CLCN7: variants seen among roughly 807,000 people sequenced by gnomAD.
CLCN7 encodes Cl-/H+ antiporter 7, also known as H(+)/Cl(-) exchange transporter 7.
CLCN7 carries 60 observed loss-of-function variants against 102.1 expected under a neutral mutation model. The ratio of observed to expected loss-of-function variants is 0.59; its 90% confidence interval spans 0.48 to 0.73. CLCN7 has a LOEUF of 0.73. Among genes scored for constraint, CLCN7 ranks in the 30% least tolerant of loss-of-function variants. CLCN7 has a pLI of 0.00. For synonymous variants in CLCN7, 560 were observed against 490.5 expected, an observed-to-expected ratio of 1.14 and a Z score of -1.87; for missense variants, 962 against 1,125.7, an observed-to-expected ratio of 0.85 and a Z score of 2.08.
chr16:1,452,005 T>A, intron 15 of CLCN7: 1 of 415,766 alleles, frequency 2.4e-6, no homozygotes, highest in South Asian at 2.1e-5. Flanking sequence ...GCTGAGACGC[T>A]GTCCATCCCT....
At position 1,461,583 on chromosome 16, in the gene CLCN7, G is replaced by A. The variant is rs757169172; in HGVS notation, c.285+20C>T. On this transcript the variant is annotated intron_variant, in intron 3 of 24. Transcript: ENST00000382745. ...GGCAGAGGCCGGGTCTCAGGGTCAGGGGGACAGAAGGACGCCCACCTCATA... is the reference window on the plus strand; with the variant it reads ...GGCAGAGGCCGGGTCTCAGGGTCAGAGGGACAGAAGGACGCCCACCTCATA... The A allele has an allele frequency of 6.2e-7, 1 of 1,613,544 alleles. No homozygotes were observed. The highest frequency in any genetic ancestry group is 1.1e-5 in the South Asian group (1 of 91,012).
At position 1,460,851 on chromosome 16, in the gene CLCN7, T is replaced by A. The variant is rs753054772; in HGVS notation, c.449A>T (p.Asn150Ile). ...VACFIDIVVE[N>I]LAGLKYRVIK... ...GACCCTGTACTTGAGGCCAGCCAGGTTTTCCACCACGATGTCAATGAAGCA... is the reference window on the plus strand; with the variant it reads ...GACCCTGTACTTGAGGCCAGCCAGGATTTCCACCACGATGTCAATGAAGCA... Residue 150 changes from asparagine to isoleucine, a missense_variant, in exon 5 of 25, where the codon AAC (asparagine) becomes ATC (isoleucine). This residue lies in a region of CLCN7 where 799 missense variants were observed against 988.0 expected (regional missense o/e 0.81). Transcript: ENST00000382745. 6.2e-7 allele frequency: 1 copy of A among 1,613,856 alleles called. No individual in the cohort carries two copies. Among genetic ancestry groups the A allele is most frequent in the East Asian group, 2.2e-5 (1 of 44,878 alleles).
chr16:1,446,826 C>A (rs2038653508), intron 24 of CLCN7, 109 bp from the exon 25 acceptor site: 2 of 1,173,484 alleles, frequency 1.7e-6, no homozygotes, highest in Non-Finnish European at 2.5e-6. Context: ...GCCCTGGGGG[C>A]TTCAGCACAG....
At chr16:1,464,232 C>T (rs1441731697) in intron 2 of CLCN7, among the ~76,000 whole-genome samples, 1 of 152,122 alleles carries the variant, frequency 6.6e-6, no homozygotes, top group African/African-American at 2.4e-5. Context: ...GACAACAAAC[C>T]CAGTTTAAAA....
At chr16:1,460,085 C>G (rs921467295) in intron 6 of CLCN7, among the ~76,000 whole-genome samples, 3 of 151,988 alleles carry the variant, frequency 2.0e-5, no homozygotes, top group African/African-American at 7.3e-5. Flanking sequence ...TCTTCCCAGC[C>G]CAGACACAGA....
At chr16:1,454,571 A>G in intron 12 of CLCN7, 106 bp from the exon 13 acceptor site, 2 of 1,111,162 alleles carry the variant, frequency 1.8e-6, no homozygotes, top group African/African-American at 1.5e-5. Context: ...CCCCACAGAG[A>G]GCCTTCCCGC....
chr16:1,462,665 C>CAAAAAAAAAAAA (rs67969666), intron 2 of CLCN7, among the ~76,000 whole-genome samples: 4 of 36,180 alleles, frequency 1.1e-4, no homozygotes, highest in African/African-American at 3.1e-4. Context: ...AAAAAAAAGC[C>CAAAAAAAAAAAA]AAAAAAAAAA....
intron 5 of CLCN7, 94 bp downstream of exon 5, chr16:1,460,722 G>A (rs2038921722): frequency 1.3e-6 from 2 of 1,587,408 alleles, no homozygotes; most frequent in Admixed American, 1.7e-5. Flanking sequence ...GCCTCCACCT[G>A]CACTGGAACA....
intron 20 of CLCN7, 87 bp downstream of exon 20, chr16:1,448,594 T>C: frequency 1.3e-6 from 2 of 1,599,834 alleles, no homozygotes; most frequent in Non-Finnish European, 8.5e-7. Flanking sequence ...CGGGGCTGCC[T>C]GGAGCCCGCA....
intron 7 of CLCN7, among the ~76,000 whole-genome samples, chr16:1,458,267 C>G (rs1596221266): frequency 6.6e-6 from 1 of 152,256 alleles, no homozygotes; most frequent in African/African-American, 2.4e-5. Flanking sequence ...CTCCCTGCCC[C>G]AGGGCAGAAC....
chr16:1,460,612 C>G (rs1368667299), intron 5 of CLCN7, 85 bp from the exon 6 acceptor site: 21 of 1,306,520 alleles, frequency 1.6e-5, no homozygotes, highest in Non-Finnish European at 2.3e-5. Flanking sequence ...ACCAGCCTGG[C>G]AGATGCCACC....
At chr16:1,474,167 G>A (rs1327163025) in intron 1 of CLCN7, 1 of 455,996 alleles carries the variant, frequency 2.2e-6, no homozygotes, top group East Asian at 6.9e-5. Context: ...ACACTGCTCA[G>A]ACGCACGCTG....
chr16:1,456,835 T>A (rs953033534), intron 9 of CLCN7, among the ~76,000 whole-genome samples: 9 of 139,878 alleles, frequency 6.4e-5, no homozygotes, highest in Non-Finnish European at 1.4e-4. Flanking sequence ...AGAGACTCCA[T>A]CTCAAAAAAA....
chr16:1,459,854 G>A (rs1196729694), intron 6 of CLCN7, among the ~76,000 whole-genome samples: 1 of 125,248 alleles, frequency 8.0e-6, no homozygotes, highest in Non-Finnish European at 1.7e-5. Flanking sequence ...CACACACGTC[G>A]GGGCCCCAGG....
intron 16 of CLCN7, among the ~76,000 whole-genome samples, chr16:1,450,985 G>C (rs1298730827): frequency 6.6e-6 from 1 of 152,256 alleles, no homozygotes; most frequent in Non-Finnish European, 1.5e-5. Context: ...GTGCACCGTG[G>C]TGCAGCTCGC....
intron 2 of CLCN7, among the ~76,000 whole-genome samples, chr16:1,464,633 G>A (rs1239228004): frequency 6.6e-6 from 1 of 152,246 alleles, no homozygotes; most frequent in Admixed American, 6.5e-5. Context: ...AGCCTCTGAC[G>A]TGGCCCAGGG....
chr16:1,462,643 A>AC (rs1418756198), intron 2 of CLCN7, among the ~76,000 whole-genome samples: 7 of 137,346 alleles, frequency 5.1e-5, no homozygotes, highest in African/African-American at 2.0e-4. Flanking sequence ...ACACAGTGAG[A>AC]CCCCAACTCT....
Position 1,459,254 on chromosome 16 carries a change from C to T in CLCN7, c.595-67G>A. 2.6e-6 allele frequency: 3 copies of T among 1,144,396 alleles called. No homozygotes were observed. In the South Asian group the frequency reaches 4.2e-5, roughly 16 times the overall value. The allele number at this position is 1,144,396 out of a possible 1,614,324, so 70.9% of individuals were successfully genotyped here. A position where few individuals can be genotyped will look rare whatever the true frequency, so the allele number is the denominator to read the frequency against. On this transcript the variant is annotated intron_variant, in intron 6 of 24. Transcript: ENST00000382745. The stretch of plus-strand genomic sequence containing the variant: ...TGAGACAGATGCAGCCCCTCAGCCC[C>T]AGGAGCCCCAGGAGCTGAGGAGAGC...
intron 2 of CLCN7, among the ~76,000 whole-genome samples, chr16:1,462,591 G>C (rs2142391711): frequency 6.9e-6 from 1 of 145,354 alleles, no homozygotes; most frequent in South Asian, 2.2e-4. Flanking sequence ...GGCCAGGCTG[G>C]TCTCAAACTC....
Sources: allele counts gnomAD v4.1 joint callset (sites outside exome capture counted in the v4.1 genomes callset), GRCh38; gene constraint gnomAD v4.1.1; regional missense constraint gnomAD v4.1.1; transcripts MANE v1.5; gene names NCBI Gene and HGNC (gene_info 2026-07-23, HGNC 2026-07-21).